ST6GALNAC5: variants seen among roughly 807,000 people sequenced by gnomAD.
ST6GALNAC5 encodes alpha-N-acetylgalactosaminide alpha-2,6-sialyltransferase 5.
A neutral mutation model predicts 33.6 loss-of-function variants in ST6GALNAC5; 27 were observed. That is an observed-to-expected ratio of 0.80 (90% CI 0.59 to 1.11). The LOEUF is 1.11. ST6GALNAC5 is among the 50% of genes least tolerant of loss of function. ST6GALNAC5 has a pLI of 0.00. For missense variants in ST6GALNAC5, 428 were observed against 454.0 expected (o/e 0.94, Z 0.52); for synonymous variants, 194 against 171.2 (o/e 1.13, Z -1.04).
chr1:77,000,379 T>C (rs1650100765), intron 2 of ST6GALNAC5, among the ~76,000 whole-genome samples: 1 of 127,800 alleles, frequency 7.8e-6, no homozygotes, highest in African/African-American at 2.5e-5. Flanking sequence ...TCATTGTAGA[T>C]TCTGGATATT....
At chr1:77,012,079 T>G (rs575526990) in intron 2 of ST6GALNAC5, among the ~76,000 whole-genome samples, 1 of 152,272 alleles carries the variant, frequency 6.6e-6, no homozygotes, top group African/African-American at 2.4e-5. Flanking sequence ...GTCTGAGACT[T>G]TTAACTACCA....
chr1:76,868,601 G>A lies in ST6GALNAC5; in HGVS notation c.120G>A (p.Gln40=). 1 of 1,610,444 alleles carries A rather than the reference G, an allele frequency of 6.2e-7. No individual in the cohort carries two copies. The highest frequency in any genetic ancestry group is 8.5e-7 in the Non-Finnish European group (1 of 1,179,268). Residue 40 remains glutamine (Q), a synonymous_variant, in exon 2 of 5, where the codon CAG becomes CAA. Coordinates refer to ENST00000477717, the MANE Select transcript of ST6GALNAC5 (RefSeq NM_030965.3). The surrounding 1 kb of genome is among the most constrained non-coding windows in gnomAD (Gnocchi z 4.3). ...AGAAGGAGCGGCCCCCGCAGCAGCA[G>A]CAGCAGCAGCAGCAACAGCAGCAGC... ...GGQKERPPQQ[Q]QQQQQQQQQA...
chr1:77,056,701 T>C (rs1039393807), intron 4 of ST6GALNAC5, among the ~76,000 whole-genome samples: 1 of 152,126 alleles, frequency 6.6e-6, no homozygotes, highest in African/African-American at 2.4e-5. Context: ...GCCCATGTGG[T>C]TTATGTTTTA....
At chr1:76,920,785 A>C (rs1215484227) in intron 2 of ST6GALNAC5, among the ~76,000 whole-genome samples, 1 of 152,204 alleles carries the variant, frequency 6.6e-6, no homozygotes, top group Non-Finnish European at 1.5e-5. Flanking sequence ...AGTAACTGAC[A>C]AGCCAATCAG....
At chr1:76,886,563 C>T (rs1653900298) in intron 2 of ST6GALNAC5, among the ~76,000 whole-genome samples, 1 of 152,136 alleles carries the variant, frequency 6.6e-6, no homozygotes, top group Non-Finnish European at 1.5e-5. Flanking sequence ...TACTCCTTGC[C>T]AACAAGCTCT....
chr1:76,970,449 G>T (rs931329735), intron 2 of ST6GALNAC5, among the ~76,000 whole-genome samples: 1 of 151,612 alleles, frequency 6.6e-6, no homozygotes, highest in Non-Finnish European at 1.5e-5. Context: ...CAGAAGAAAA[G>T]GTATCAGTGA....
chr1:77,051,751 G>A (rs1396410205), intron 4 of ST6GALNAC5, among the ~76,000 whole-genome samples: 3 of 152,168 alleles, frequency 2.0e-5, no homozygotes, highest in Admixed American at 6.5e-5. Context: ...GCCTAAAAAG[G>A]CAAACTGCCT....
chr1:76,868,409 T>A lies in ST6GALNAC5; in HGVS notation c.16-88T>A. ...CCGCCCCAAATCTCCCCCACTAGAGTGACCACCGCACAGTTGTCCCCGCTG... is the reference window on the plus strand; with the variant it reads ...CCGCCCCAAATCTCCCCCACTAGAGAGACCACCGCACAGTTGTCCCCGCTG... On this transcript the variant is annotated intron_variant, in intron 1 of 4. Coordinates refer to ENST00000477717, the MANE Select transcript of ST6GALNAC5 (RefSeq NM_030965.3). This position sits in a 1 kb window ranked among gnomAD's most constrained non-coding sequence, Gnocchi z 4.3. 1 of 1,499,058 alleles carries A rather than the reference T, an allele frequency of 6.7e-7. No homozygotes were observed. The highest frequency in any genetic ancestry group is 8.9e-7 in the Non-Finnish European group (1 of 1,122,050). 92.9% of individuals were successfully genotyped at this position (1,499,058 alleles called of 1,614,324 possible). A position where few individuals can be genotyped will look rare whatever the true frequency, so the allele number is the denominator to read the frequency against.
At chr1:76,899,525 G>A (rs1204465032) in intron 2 of ST6GALNAC5, among the ~76,000 whole-genome samples, 3 of 152,150 alleles carry the variant, frequency 2.0e-5, no homozygotes, top group African/African-American at 4.8e-5. Context: ...GGGACTTGCC[G>A]CTAAGGGTGA....
intron 2 of ST6GALNAC5, among the ~76,000 whole-genome samples, chr1:76,902,032 T>C (rs12754777): frequency 0.099 from 15,112 of 152,036 alleles, 930 homozygotes; most frequent in Non-Finnish European, 0.14. Flanking sequence ...TGTTATAAAA[T>C]GATACATTGA....
At chr1:76,878,982 T>A (rs1296796914) in intron 2 of ST6GALNAC5, among the ~76,000 whole-genome samples, 1 of 152,150 alleles carries the variant, frequency 6.6e-6, no homozygotes, top group African/African-American at 2.4e-5. Flanking sequence ...CAGGATCCAG[T>A]TATTCCCACT....
intron 2 of ST6GALNAC5, among the ~76,000 whole-genome samples, chr1:76,898,904 C>T (rs1646786390): frequency 2.0e-5 from 3 of 152,014 alleles, no homozygotes; most frequent in South Asian, 2.1e-4. Context: ...TAGAAAGACT[C>T]AGTGACACTT....
chr1:76,994,302 TAATC>T (rs932933901), intron 2 of ST6GALNAC5, among the ~76,000 whole-genome samples: 1 of 152,202 alleles, frequency 6.6e-6, no homozygotes, highest in African/African-American at 2.4e-5. Context: ...TATAACAACT[TAATC>T]AAATCAGACA....
At chr1:77,046,443 G>A (rs1320484217) in intron 3 of ST6GALNAC5, among the ~76,000 whole-genome samples, 2 of 152,222 alleles carry the variant, frequency 1.3e-5, no homozygotes, top group African/African-American at 4.8e-5. Flanking sequence ...GTCAAGGACT[G>A]CACCAGGCAG....
chr1:76,900,873 A>T (rs756886580), intron 2 of ST6GALNAC5, among the ~76,000 whole-genome samples: 1 of 152,246 alleles, frequency 6.6e-6, no homozygotes, highest in Non-Finnish European at 1.5e-5. Context: ...ATCAGAAAAC[A>T]TAATTATTCA....
intron 2 of ST6GALNAC5, among the ~76,000 whole-genome samples, chr1:76,888,041 G>A (rs908948553): frequency 6.6e-6 from 1 of 152,070 alleles, no homozygotes; most frequent in Non-Finnish European, 1.5e-5. Context: ...AAGGATTTAG[G>A]GCAAGGAAAT....
intron 2 of ST6GALNAC5, among the ~76,000 whole-genome samples, chr1:77,043,344 G>A (rs915523819): frequency 1.3e-5 from 2 of 152,222 alleles, no homozygotes; most frequent in Non-Finnish European, 2.9e-5. Context: ...TTGGTTCAGG[G>A]CATTGAACTG....
Position 76,868,348 on chromosome 1 carries a change from C to G in ST6GALNAC5, c.16-149C>G. On this transcript the variant is annotated intron_variant, in intron 1 of 4. Transcript: ENST00000477717. The surrounding 1 kb of genome is among the most constrained non-coding windows in gnomAD (Gnocchi z 4.3). ...GATACGCTAGGGGACGGTGCTTTCT[C>G]TGTCCCAGTTGCGTGCGGCGGGGCT... 8.0e-7 allele frequency: 1 copy of G among 1,247,554 alleles called. No homozygotes were observed. The allele number at this position is 1,247,554 out of a possible 1,614,324, so 77.3% of individuals were successfully genotyped here.
chr1:76,936,432 A>C (rs997251432), intron 2 of ST6GALNAC5, among the ~76,000 whole-genome samples: 7 of 152,036 alleles, frequency 4.6e-5, no homozygotes, highest in African/African-American at 1.4e-4. Context: ...TAAAAACTCA[A>C]CTTGTAGCTT....
Sources: gnomAD v4.1 joint callset for allele counts (sites outside exome capture counted in the v4.1 genomes callset) on GRCh38, gnomAD v4.1.1 for gene constraint, Gnocchi (gnomAD v3.1) non-coding constraint, MANE v1.5 for transcripts, NCBI Gene and HGNC (gene_info 2026-07-23, HGNC 2026-07-21) for gene names.